The following PPFIA2 variants were observed in gnomAD, a reference collection of about 807,000 sequenced individuals.
PPFIA2 encodes the protein liprin-alpha-2.
PPFIA2 carries 46 observed loss-of-function variants against 175.5 expected under a neutral mutation model. That is an observed-to-expected ratio of 0.26 (90% confidence interval 0.21 to 0.34). PPFIA2 has a LOEUF of 0.34. PPFIA2 is among the 10% of genes least tolerant of loss of function. PPFIA2 has a pLI of 1.00. For synonymous variants in PPFIA2, 568 were observed against 511.4 expected, an observed-to-expected ratio of 1.11 and a Z score of -1.49; for missense variants, 1,179 against 1,506.1, an observed-to-expected ratio of 0.78 and a Z score of 3.60.
At chr12:81,271,862 T>C (rs1185206302) in intron 28 of PPFIA2, among the ~76,000 whole-genome samples, 2 of 152,172 alleles carry the variant, frequency 1.3e-5, no homozygotes, top group Non-Finnish European at 2.9e-5. Context: ...TTTTTTATTA[T>C]CTTTATGATC....
chr12:81,692,736 G>A (rs1202181090), intron 3 of PPFIA2, among the ~76,000 whole-genome samples: 1 of 152,002 alleles, frequency 6.6e-6, no homozygotes, highest in Non-Finnish European at 1.5e-5. Flanking sequence ...TCATAAAATT[G>A]TACACATAAC....
intron 3 of PPFIA2, among the ~76,000 whole-genome samples, chr12:81,743,048 A>G (rs2082523496): frequency 6.6e-6 from 1 of 152,178 alleles, no homozygotes; most frequent in Non-Finnish European, 1.5e-5. Flanking sequence ...GGGTGAATTC[A>G]GGCTGAATGC....
intron 17 of PPFIA2, among the ~76,000 whole-genome samples, chr12:81,352,426 A>G (rs1257975080): frequency 6.7e-6 from 1 of 149,788 alleles, no homozygotes; most frequent in Non-Finnish European, 1.5e-5. Context: ...TTAATATATT[A>G]ATGTTCTATC....
chr12:81,710,223 T>C (rs942791200), intron 3 of PPFIA2, among the ~76,000 whole-genome samples: 4 of 151,994 alleles, frequency 2.6e-5, no homozygotes, highest in African/African-American at 9.7e-5. Context: ...AAAATCTGTT[T>C]TCCCTTCAGG....
At position 81,353,327 on chromosome 12, in the gene PPFIA2, C is replaced by G. The variant is rs2060337974; in HGVS notation, c.1786G>C (p.Gly596Arg). The G allele has an allele frequency of 6.2e-7, 1 of 1,611,958 alleles. No individual in the cohort carries two copies. Among genetic ancestry groups the G allele is most frequent in the Non-Finnish European group, 8.5e-7 (1 of 1,178,316 alleles). Residue 596 changes from glycine (G) to arginine (R), a missense_variant, in exon 17 of 33, where the codon GGG becomes CGG. This residue lies in a region of PPFIA2 where 186 missense variants were observed against 163.6 expected (regional missense o/e 1.14). Coordinates refer to ENST00000549396, the MANE Select transcript of PPFIA2 (RefSeq NM_003625.5). ...RRDEPKVKSL[G>R]DHEWNRTQQI... ...TGAGTTCTATTCCACTCGTGATCCC[C>G]AAGAGATTTCACCTGAATGGTGAAT...
chr12:81,322,244 G>T (rs542431144), intron 22 of PPFIA2, among the ~76,000 whole-genome samples: 19 of 152,114 alleles, frequency 1.2e-4, no homozygotes, highest in African/African-American at 4.3e-4. Context: ...AGGGCGAAAG[G>T]TATAAAAGAA....
chr12:81,342,946 TATAATAATAATA>T lies in PPFIA2; in HGVS notation c.2262+1706_2262+1717del, dbSNP rs141700038. Reference sequence around the variant, plus strand: ...TGCACATGTACCCTAAAACTTAAAGTATAATAATAATAATAATAATAATAATAATAATAAATC... The same window carrying T: ...TGCACATGTACCCTAAAACTTAAAGTATAATAATAATAATAATAATAAATC... On this transcript the variant is annotated intron_variant, in intron 19 of 32. Coordinates refer to ENST00000549396, the MANE Select transcript of PPFIA2 (RefSeq NM_003625.5). 6.5e-3 allele frequency among the ~76,000 whole-genome samples: 966 copies of T among 147,654 alleles called. 4 individuals are homozygous for T. Among genetic ancestry groups the T allele is most frequent in the African/African-American group, 0.014 (571 of 40,334 alleles).
chr12:81,740,957 T>C (rs1046958599), intron 3 of PPFIA2, among the ~76,000 whole-genome samples: 2 of 150,180 alleles, frequency 1.3e-5, no homozygotes, highest in Non-Finnish European at 3.0e-5. Flanking sequence ...GTGGTAGCAG[T>C]ATTATAAAGT....
chr12:81,607,759 T>A (rs1386355411), intron 4 of PPFIA2, among the ~76,000 whole-genome samples: 2 of 152,108 alleles, frequency 1.3e-5, no homozygotes, highest in Non-Finnish European at 2.9e-5. Flanking sequence ...TATTTTGACT[T>A]TTTTTCATAT....
chr12:81,258,761 A>G lies in PPFIA2; in HGVS notation c.*933T>C, dbSNP rs1258728150. On this transcript the variant is annotated 3_prime_UTR_variant, in exon 33 of 33. Coordinates refer to ENST00000549396, the MANE Select transcript of PPFIA2 (RefSeq NM_003625.5). The stretch of plus-strand genomic sequence containing the variant: ...GGTTTCGTTTTCTCTAGTGGAAATG[A>G]GCCTCAGACTCTGCGGTGGTTGACA... 1 of 151,976 alleles carries G rather than the reference A, an allele frequency of 6.6e-6. No homozygotes were observed. The highest frequency in any genetic ancestry group is 1.5e-5 in the Non-Finnish European group (1 of 67,992). The allele number at this position is 151,976 out of a possible 1,614,324, so 9.4% of individuals were successfully genotyped here.
chr12:81,360,082 T>G (rs540705122), intron 15 of PPFIA2, among the ~76,000 whole-genome samples: 1 of 151,942 alleles, frequency 6.6e-6, no homozygotes, highest in Non-Finnish European at 1.5e-5. Context: ...TTTTAAGGTC[T>G]CAGTTTAAAA....
chr12:81,758,111 C>G (rs2084964171), intron 2 of PPFIA2, among the ~76,000 whole-genome samples: 1 of 152,158 alleles, frequency 6.6e-6, no homozygotes, highest in South Asian at 2.1e-4. Context: ...GCCAGCTCAA[C>G]CCACACTACT....
intron 11 of PPFIA2, 56 bp downstream of exon 11, chr12:81,374,578 A>G (rs1210505200): frequency 6.6e-6 from 10 of 1,511,174 alleles, no homozygotes; most frequent in Non-Finnish European, 8.9e-6. Flanking sequence ...TTCCATTTTG[A>G]TTACAAGTCC....
chr12:81,746,853 T>C (rs1225193416), intron 3 of PPFIA2, among the ~76,000 whole-genome samples: 2 of 143,156 alleles, frequency 1.4e-5, no homozygotes, highest in African/African-American at 4.9e-5. Context: ...ATAATGAGCA[T>C]TGAAGGACAA....
At chr12:81,567,055 T>G (rs1001919395) in intron 4 of PPFIA2, among the ~76,000 whole-genome samples, 1 of 152,234 alleles carries the variant, frequency 6.6e-6, no homozygotes, top group Non-Finnish European at 1.5e-5. Flanking sequence ...GGAGAAACTT[T>G]CTTTTTCTTG....
At chr12:81,318,380 G>T (rs1723225738) in intron 22 of PPFIA2, among the ~76,000 whole-genome samples, 1 of 151,648 alleles carries the variant, frequency 6.6e-6, no homozygotes, top group African/African-American at 2.4e-5. Flanking sequence ...TTGCTCATTT[G>T]CCTACCTTGT....
intron 14 of PPFIA2, among the ~76,000 whole-genome samples, chr12:81,366,257 A>G (rs1311900460): frequency 6.6e-6 from 1 of 151,642 alleles, no homozygotes. Context: ...GAAGAAGGAA[A>G]ATACTATTAG....
rs114569011 is a variant in PPFIA2 at position 81,689,632 on chromosome 12, C to T, written c.250-12788G>A. On this transcript the variant is annotated intron_variant, in intron 3 of 32. Coordinates refer to ENST00000549396, the MANE Select transcript of PPFIA2 (RefSeq NM_003625.5). ...AGTCATTAAATGTTCTACAGACAGT[C>T]TTGTTCTCCTTTTCATCCACTCAAG... 7.2e-3 allele frequency among the ~76,000 whole-genome samples: 1,099 copies of T among 152,076 alleles called. 20 individuals are homozygous for T. The highest frequency in any genetic ancestry group is 0.025 in the African/African-American group (1,044 of 41,518).
At chr12:81,368,237 C>A in intron 13 of PPFIA2, 1 of 1,080,966 alleles carries the variant, frequency 9.3e-7, no homozygotes. Flanking sequence ...TGAAATAATG[C>A]AGCTGAAAAT....
Sources: allele counts gnomAD v4.1 joint callset (sites outside exome capture counted in the v4.1 genomes callset), GRCh38; gene constraint gnomAD v4.1.1; regional missense constraint gnomAD v4.1.1; transcripts MANE v1.5; gene names NCBI Gene and HGNC (gene_info 2026-07-23, HGNC 2026-07-21).